Variants in IDE observed in about 807,000 individuals in gnomAD.
The protein encoded by IDE is insulin degrading enzyme, also known as insulin-degrading enzyme.
In IDE, 58 loss-of-function variants were observed where a neutral mutation model predicts 133.2. That is an observed-to-expected ratio of 0.44 (90% confidence interval 0.35 to 0.54). IDE has a LOEUF of 0.54. IDE is among the 20% of genes least tolerant of loss of function. The pLI, the probability that IDE is intolerant of heterozygous loss-of-function variation, is 0.00. For synonymous variants in IDE, 396 were observed against 421.3 expected (o/e 0.94, Z 0.73); for missense variants, 981 against 1,234.0 (o/e 0.79, Z 3.07).
At chr10:92,491,391 T>C (rs1259478733) in intron 11 of IDE, among the ~76,000 whole-genome samples, 1 of 152,154 alleles carries the variant, frequency 6.6e-6, no homozygotes, top group Admixed American at 6.6e-5. Flanking sequence ...TATTATTGCT[T>C]GCTACATTTG....
intron 12 of IDE, among the ~76,000 whole-genome samples, chr10:92,489,632 T>C (rs191462795): frequency 3.6e-4 from 55 of 152,320 alleles, no homozygotes; most frequent in African/African-American, 1.2e-3. Flanking sequence ...CCAGCACTAA[T>C]TCATGGAAGA....
rs138161616 is a variant in IDE at position 92,497,323 on chromosome 10, A to G, written c.1431-6728T>C. Reference sequence around the variant, plus strand: ...TCAAAATTCAAAATAATTGTCTAACAATTAGGACTGGCAAAAATGAAACTG... The same window carrying G: ...TCAAAATTCAAAATAATTGTCTAACGATTAGGACTGGCAAAAATGAAACTG... On this transcript the variant is annotated intron_variant, in intron 11 of 24. Coordinates refer to ENST00000265986, the MANE Select transcript of IDE (RefSeq NM_004969.4). 3.7e-4 allele frequency among the ~76,000 whole-genome samples: 57 copies of G among 152,316 alleles called. 1 individual carries two copies. The East Asian group carries it at 7.7e-3, about 21-fold the overall frequency.
intron 4 of IDE, among the ~76,000 whole-genome samples, chr10:92,531,085 AATAG>A (rs1257556849): frequency 6.6e-6 from 1 of 152,224 alleles, no homozygotes. Flanking sequence ...GACTGGCAGG[AATAG>A]ATAAAGAATA....
At chr10:92,536,423 G>A (rs1387796825) in intron 2 of IDE, among the ~76,000 whole-genome samples, 20 of 149,940 alleles carry the variant, frequency 1.3e-4, no homozygotes, top group Middle Eastern at 3.6e-3. Flanking sequence ...ACAAGGCTGG[G>A]AGCAGTGGCT....
chr10:92,551,487 G>T (rs1842776306), intron 1 of IDE, among the ~76,000 whole-genome samples: 1 of 148,184 alleles, frequency 6.7e-6, no homozygotes, highest in Non-Finnish European at 1.5e-5. Context: ...AGAATTGCTT[G>T]AACCCGGGAG....
intron 7 of IDE, 33 bp downstream of exon 7, chr10:92,508,695 G>A (rs1160686667): frequency 1.3e-6 from 2 of 1,594,622 alleles, no homozygotes; most frequent in African/African-American, 1.3e-5. Context: ...AAGATGTGGT[G>A]GACACTCAGA....
chr10:92,467,728 C>T (rs1429254664), intron 19 of IDE, among the ~76,000 whole-genome samples: 1 of 152,176 alleles, frequency 6.6e-6, no homozygotes, highest in Non-Finnish European at 1.5e-5. Flanking sequence ...GTAGTGGGAT[C>T]AGCACATCCT....
intron 18 of IDE, among the ~76,000 whole-genome samples, chr10:92,469,570 A>G (rs1238936085): frequency 6.6e-6 from 1 of 152,010 alleles, no homozygotes; most frequent in Non-Finnish European, 1.5e-5. Context: ...CTAGGACTAC[A>G]GGCATGCACT....
intron 9 of IDE, among the ~76,000 whole-genome samples, chr10:92,506,819 T>C (rs1170914026): frequency 2.0e-5 from 3 of 152,128 alleles, no homozygotes; most frequent in Non-Finnish European, 4.4e-5. Flanking sequence ...TTGTTGAAAC[T>C]AATAGCCAAA....
intron 1 of IDE, among the ~76,000 whole-genome samples, chr10:92,548,584 T>C (rs1286044135): frequency 1.3e-5 from 2 of 152,266 alleles, no homozygotes; most frequent in East Asian, 3.9e-4. Flanking sequence ...ATTATTATGG[T>C]CGCAGTGGCT....
chr10:92,492,666 C>G (rs1847429389), intron 11 of IDE, among the ~76,000 whole-genome samples: 1 of 152,174 alleles, frequency 6.6e-6, no homozygotes, highest in African/African-American at 2.4e-5. Context: ...CTCACCTACC[C>G]CCAGAGGTTT....
rs552797557 is a variant in IDE, at chr10:92,464,868, C to A, written c.2488+808G>T. Among the ~76,000 whole-genome samples the A allele has an allele frequency of 5.3e-5, 8 of 152,286 alleles. No homozygotes were observed. In the East Asian group the frequency reaches 1.4e-3, roughly 26 times the overall value. On this transcript the variant is annotated intron_variant, in intron 20 of 24. Transcript: ENST00000265986. ...TATTTTTAGTAAAGATGGGGTCTCA[C>A]CATGTTGGCCAGTCTGGTCTTGAAC...
At chr10:92,550,106 C>T (rs7909636) in intron 1 of IDE, among the ~76,000 whole-genome samples, 128,997 of 152,096 alleles carry the variant, frequency 0.85, 54,977 homozygotes, top group African/African-American at 0.93. Context: ...AAGTGGAGGT[C>T]GCAGCAAGCT....
At chr10:92,498,347 G>A (rs1327969191) in intron 11 of IDE, among the ~76,000 whole-genome samples, 4 of 151,436 alleles carry the variant, frequency 2.6e-5, no homozygotes, top group Non-Finnish European at 5.9e-5. Flanking sequence ...GTGAGGCCGG[G>A]TATGGGGGCT....
At chr10:92,496,150 C>T (rs140767745) in intron 11 of IDE, among the ~76,000 whole-genome samples, 5,163 of 152,260 alleles carry the variant, frequency 0.034, 138 homozygotes, top group Admixed American at 0.058. Flanking sequence ...GCTGGGATTA[C>T]AGGCGTGAGC....
chr10:92,543,990 T>C (rs1185700225), intron 1 of IDE, among the ~76,000 whole-genome samples: 1 of 152,288 alleles, frequency 6.6e-6, no homozygotes, highest in East Asian at 1.9e-4. Flanking sequence ...CCCAACACTT[T>C]GGGAGGCCGA....
intron 17 of IDE, among the ~76,000 whole-genome samples, chr10:92,470,609 C>T (rs1380439312): frequency 6.6e-6 from 1 of 152,050 alleles, no homozygotes; most frequent in Non-Finnish European, 1.5e-5. Flanking sequence ...GATCCACAAC[C>T]CTCCATTACA....
chr10:92,459,152 G>A (rs1385789248), intron 22 of IDE, among the ~76,000 whole-genome samples: 2 of 152,090 alleles, frequency 1.3e-5, no homozygotes, highest in Admixed American at 1.3e-4. Flanking sequence ...ATACTTGTTT[G>A]CATACAGCCT....
intron 7 of IDE, 108 bp from the exon 8 acceptor site, chr10:92,508,313 A>C (rs750387926): frequency 4.8e-6 from 4 of 837,962 alleles, no homozygotes; most frequent in Non-Finnish European, 7.8e-6. Context: ...ATCAGAATGA[A>C]CCTCTTGCGA....
Sources: allele counts gnomAD v4.1 joint callset (sites outside exome capture counted in the v4.1 genomes callset), GRCh38; gene constraint gnomAD v4.1.1; transcripts MANE v1.5; gene names NCBI Gene and HGNC (gene_info 2026-07-23, HGNC 2026-07-21).